The following KCNQ3 variants were observed in gnomAD, a reference collection of about 807,000 sequenced individuals.
KCNQ3 encodes potassium voltage-gated channel subfamily Q member 3.
In KCNQ3, 30 loss-of-function variants were observed where a neutral mutation model predicts 92.5. The ratio of observed to expected loss-of-function variants is 0.32; its 90% CI spans 0.24 to 0.44. KCNQ3 has a LOEUF of 0.44. KCNQ3 is among the 20% of genes least tolerant of loss of function. The pLI is 1.00. For missense variants in KCNQ3, 913 were observed against 1,140.3 expected (o/e 0.80, Z 2.87); for synonymous variants, 450 against 468.8 (o/e 0.96, Z 0.52).
intron 1 of KCNQ3, among the ~76,000 whole-genome samples, chr8:132,208,142 C>T (rs767604359): frequency 1.3e-5 from 2 of 152,202 alleles, no homozygotes; most frequent in Non-Finnish European, 2.9e-5. Context: ...TGAGCAATTA[C>T]TCTGTACCAA....
intron 1 of KCNQ3, among the ~76,000 whole-genome samples, chr8:132,278,503 TA>T (rs1230174544): frequency 6.6e-6 from 1 of 152,182 alleles, no homozygotes; most frequent in Non-Finnish European, 1.5e-5. Flanking sequence ...TATTTTGATG[TA>T]AGTGGAAAGG....
In KCNQ3 at chr8:132,473,845, G is replaced by C. The variant is rs117472549; in HGVS notation, c.386+6302C>G. Among the ~76,000 whole-genome samples the C allele has an allele frequency of 2.0e-5, 3 of 152,334 alleles. No homozygotes were observed. The East Asian group carries it at 5.8e-4, about 29-fold the overall frequency. On this transcript the variant is annotated intron_variant, in intron 1 of 14. Transcript: ENST00000388996. ...TGTCTCCTCCAACCTGAAGACAATA[G>C]ATCTTCTTGTCAACATGCTAAGTCC...
intron 1 of KCNQ3, among the ~76,000 whole-genome samples, chr8:132,402,633 G>T (rs1820369261): frequency 6.6e-6 from 1 of 152,090 alleles, no homozygotes; most frequent in African/African-American, 2.4e-5. Context: ...ATACTATAAT[G>T]GTGGACATAT....
intron 1 of KCNQ3, among the ~76,000 whole-genome samples, chr8:132,357,861 AG>A (rs1484862504): frequency 6.6e-6 from 1 of 152,200 alleles, no homozygotes; most frequent in African/African-American, 2.4e-5. Flanking sequence ...CACTCCAATG[AG>A]TCACCTGCCA....
intron 1 of KCNQ3, among the ~76,000 whole-genome samples, chr8:132,376,846 C>T (rs1335794671): frequency 1.3e-5 from 2 of 152,060 alleles, no homozygotes; most frequent in Non-Finnish European, 2.9e-5. Flanking sequence ...GAACTGGATC[C>T]CCAAAGAGCA....
At chr8:132,311,441 C>T (rs753041629) in intron 1 of KCNQ3, among the ~76,000 whole-genome samples, 10 of 152,156 alleles carry the variant, frequency 6.6e-5, no homozygotes, top group Non-Finnish European at 1.3e-4. Context: ...TGTAAACCGT[C>T]CTTAAGGAAC....
At chr8:132,219,334 A>G (rs1814142083) in intron 1 of KCNQ3, among the ~76,000 whole-genome samples, 1 of 152,098 alleles carries the variant, frequency 6.6e-6, no homozygotes, top group African/African-American at 2.4e-5. Context: ...ATTCATGCCC[A>G]GTGAGCTATA....
intron 1 of KCNQ3, among the ~76,000 whole-genome samples, chr8:132,381,991 G>A (rs1473337946): frequency 2.6e-5 from 4 of 152,216 alleles, no homozygotes; most frequent in Non-Finnish European, 5.9e-5. Context: ...GCCTCGTCAT[G>A]GCATCTGTCC....
At chr8:132,362,988 T>C (rs1364719471) in intron 1 of KCNQ3, among the ~76,000 whole-genome samples, 2 of 151,926 alleles carry the variant, frequency 1.3e-5, no homozygotes, top group African/African-American at 2.4e-5. Flanking sequence ...AGGTGAAGAT[T>C]TGAAAAGTGA....
chr8:132,380,931 G>GAAA (rs553931640), intron 1 of KCNQ3, among the ~76,000 whole-genome samples: 234 of 86,960 alleles, frequency 2.7e-3, no homozygotes, highest in Non-Finnish European at 4.6e-3. Context: ...AATGAAAGCA[G>GAAA]AAAAAAAAAA....
At chr8:132,451,606 A>T (rs1377852474) in intron 1 of KCNQ3, among the ~76,000 whole-genome samples, 1 of 152,240 alleles carries the variant, frequency 6.6e-6, no homozygotes, top group African/African-American at 2.4e-5. Context: ...GGGAAGAAGA[A>T]GATTTAGTCA....
intron 1 of KCNQ3, among the ~76,000 whole-genome samples, chr8:132,201,607 T>C (rs1458281685): frequency 6.6e-6 from 1 of 152,116 alleles, no homozygotes; most frequent in Non-Finnish European, 1.5e-5. Context: ...AGCACAGATA[T>C]TAAACATTAA....
At chr8:132,325,861 G>A (rs1255576971) in intron 1 of KCNQ3, among the ~76,000 whole-genome samples, 1 of 152,164 alleles carries the variant, frequency 6.6e-6, no homozygotes, top group Non-Finnish European at 1.5e-5. Context: ...GATCTCAACT[G>A]GAGAGAACAG....
At chr8:132,230,318 G>GC (rs572482825) in intron 1 of KCNQ3, among the ~76,000 whole-genome samples, 191 of 151,914 alleles carry the variant, frequency 1.3e-3, no homozygotes, top group Middle Eastern at 3.4e-3. Flanking sequence ...CCAAGATAAA[G>GC]CCCCCCCGCC....
At position 132,407,508 on chromosome 8, in the gene KCNQ3, C is replaced by T. The variant is rs187866053; in HGVS notation, c.386+72639G>A. ...AGAACCGGGTGGTACTTCAGACGGG[C>T]TTCACTTCAGTCCCAGGATCAAAGC... On this transcript the variant is annotated intron_variant, in intron 1 of 14. Transcript: ENST00000388996. Among the ~76,000 whole-genome samples the T allele has an allele frequency of 4.6e-5, 7 of 152,300 alleles. No individual in the cohort carries two copies. In the East Asian group the frequency reaches 1.4e-3, roughly 30 times the overall value.
chr8:132,265,214 G>C (rs1314558190), intron 1 of KCNQ3, among the ~76,000 whole-genome samples: 2 of 152,192 alleles, frequency 1.3e-5, no homozygotes, highest in African/African-American at 4.8e-5. Flanking sequence ...AACTGGGCCT[G>C]GTGGTTTTAA....
intron 1 of KCNQ3, among the ~76,000 whole-genome samples, chr8:132,424,679 T>C (rs991093256): frequency 7.2e-5 from 11 of 152,200 alleles, no homozygotes; most frequent in African/African-American, 2.4e-4. Flanking sequence ...GGCAGAGGTC[T>C]GCCATCAAGA....
chr8:132,267,360 A>G (rs1434613693), intron 1 of KCNQ3, among the ~76,000 whole-genome samples: 2 of 152,190 alleles, frequency 1.3e-5, no homozygotes, highest in East Asian at 1.9e-4. Context: ...GGTATTGCCC[A>G]CGTCCTCTGT....
At chr8:132,302,820 C>T (rs1212935189) in intron 1 of KCNQ3, among the ~76,000 whole-genome samples, 1 of 152,196 alleles carries the variant, frequency 6.6e-6, no homozygotes, top group African/African-American at 2.4e-5. Context: ...GACCTCTCAG[C>T]ATGGTGGTCC....
Sources: gnomAD v4.1 joint callset for allele counts (sites outside exome capture counted in the v4.1 genomes callset) on GRCh38, gnomAD v4.1.1 for gene constraint, MANE v1.5 for transcripts, NCBI Gene and HGNC (gene_info 2026-07-23, HGNC 2026-07-21) for gene names.